Variants in ELMO2 observed in about 807,000 individuals in gnomAD.
ELMO2 encodes the protein engulfment and cell motility protein 2.
Under a neutral mutation model 96.2 loss-of-function variants are expected in ELMO2, and 37 were observed. That is an observed-to-expected ratio of 0.38 (90% CI 0.30 to 0.51). The LOEUF (loss-of-function observed/expected upper bound fraction) is 0.51. ELMO2 is among the 20% of genes least tolerant of loss of function. The pLI, the probability that ELMO2 is intolerant of heterozygous loss-of-function variation, is 0.88. For synonymous variants in ELMO2, 315 were observed against 329.4 expected, an observed-to-expected ratio of 0.96 and a Z score of 0.47; for missense variants, 561 against 912.6, an observed-to-expected ratio of 0.61 and a Z score of 4.96.
At chr20:46,374,736 A>G (rs1160919140) in intron 13 of ELMO2, 96 bp from the exon 14 acceptor site, 5 of 952,122 alleles carry the variant, frequency 5.3e-6, no homozygotes, top group Non-Finnish European at 8.1e-6. Context: ...TGATGCTGCT[A>G]CCACTCAGCA....
chr20:46,385,988 G>A, intron 9 of ELMO2, 136 bp downstream of exon 9: 1 of 939,196 alleles, frequency 1.1e-6, no homozygotes, highest in South Asian at 1.8e-5. Context: ...GCAGGAGTGT[G>A]GAAGAGGTGA....
At chr20:46,374,723 T>C (rs761794488) in intron 13 of ELMO2, 83 bp from the exon 14 acceptor site, 103 of 1,198,026 alleles carry the variant, frequency 8.6e-5, no homozygotes, top group Non-Finnish European at 1.2e-4. Context: ...TCGCCTCTCC[T>C]CTTGATGCTG....
Position 46,389,188 on chromosome 20 carries a change from G to T in ELMO2, c.276C>A (p.Thr92=), listed in dbSNP as rs750535252. Residue 92 remains threonine (T), a synonymous_variant, in exon 7 of 22, where the codon ACC becomes ACA. Transcript: ENST00000290246. Reference sequence around the variant, plus strand: ...GCCGGGTCTCCATGTTGGATGACTGGGTCCTCTCCATCAGCTGGCGTGCAG... The same window carrying T: ...GCCGGGTCTCCATGTTGGATGACTGTGTCCTCTCCATCAGCTGGCGTGCAG... ...SRAARQLMER[T]QSSNMETRLD... is the part of the protein sequence containing the mutation. 2 of 1,614,026 alleles carry T rather than the reference G, an allele frequency of 1.2e-6. No individual in the cohort carries two copies. Among genetic ancestry groups the T allele is most frequent in the East Asian group, 2.2e-5 (1 of 44,882 alleles).
intron 1 of ELMO2, among the ~76,000 whole-genome samples, chr20:46,403,826 G>A (rs1260229232): frequency 6.6e-6 from 1 of 152,196 alleles, no homozygotes; most frequent in East Asian, 1.9e-4. Context: ...GCTCACGCCT[G>A]TAATCTCAGA....
intron 16 of ELMO2, among the ~76,000 whole-genome samples, chr20:46,372,678 C>A (rs1230467338): frequency 6.6e-6 from 1 of 152,148 alleles, no homozygotes. Context: ...TTCTGGCACG[C>A]TGTGGTGTTT....
chr20:46,388,554 A>G (rs1200705927), intron 7 of ELMO2, among the ~76,000 whole-genome samples: 1 of 151,914 alleles, frequency 6.6e-6, no homozygotes, highest in Non-Finnish European at 1.5e-5. Flanking sequence ...GAGATGGTGA[A>G]TGGGTAGGTT....
At chr20:46,404,418 C>T (rs1461797141) in intron 1 of ELMO2, among the ~76,000 whole-genome samples, 1 of 152,104 alleles carries the variant, frequency 6.6e-6, no homozygotes, top group Non-Finnish European at 1.5e-5. Flanking sequence ...TTTGCACCTC[C>T]TAGAGTCCAC....
chr20:46,387,149 GC>G (rs765312668), intron 8 of ELMO2, among the ~76,000 whole-genome samples, 188 bp downstream of exon 8: 14 of 152,058 alleles, frequency 9.2e-5, no homozygotes, highest in Non-Finnish European at 1.8e-4. Flanking sequence ...CTCAGTGCAG[GC>G]CCTGAGAATA....
At chr20:46,383,720 G>A (rs940110431) in intron 9 of ELMO2, among the ~76,000 whole-genome samples, 10 of 152,142 alleles carry the variant, frequency 6.6e-5, no homozygotes, top group East Asian at 3.8e-4. Flanking sequence ...CTGACAAGGC[G>A]TTTCATTAAA....
At chr20:46,368,865 G>C (rs773924721) in intron 21 of ELMO2, 26 bp downstream of exon 21, 1 of 1,613,058 alleles carries the variant, frequency 6.2e-7, no homozygotes, top group Non-Finnish European at 8.5e-7. Flanking sequence ...TAGCTCTGTT[G>C]TCTAAGGCAG....
At chr20:46,390,560 C>A (rs1014048340) in intron 6 of ELMO2, among the ~76,000 whole-genome samples, 5 of 152,242 alleles carry the variant, frequency 3.3e-5, no homozygotes, top group African/African-American at 1.2e-4. Flanking sequence ...TCCTTTTCTG[C>A]AAGCTGCGGC....
chr20:46,397,851 T>G (rs1051477657), intron 2 of ELMO2, among the ~76,000 whole-genome samples: 1 of 152,078 alleles, frequency 6.6e-6, no homozygotes, highest in Non-Finnish European at 1.5e-5. Context: ...TCAGAGGAAG[T>G]GATTCTGCAG....
At chr20:46,376,683 C>T (rs1291640515) in intron 11 of ELMO2, 1 of 1,289,376 alleles carries the variant, frequency 7.8e-7, no homozygotes, top group Non-Finnish European at 1.0e-6. Context: ...TTGTATTTGT[C>T]ACTCCCTCTG....
chr20:46,402,822 C>T (rs147273570), intron 1 of ELMO2, among the ~76,000 whole-genome samples: 4 of 152,364 alleles, frequency 2.6e-5, no homozygotes, highest in African/African-American at 7.2e-5. Context: ...CACAGCTTTG[C>T]CACAAACACA....
chr20:46,367,311 C>T lies in ELMO2; in HGVS notation c.*49G>A, dbSNP rs1227422127. ...AGGCACCAGAATGTAAGTGTTTCTC[C>T]TGGGCCCAAAATCCCTTCTCCTGGG... On this transcript the variant is annotated 3_prime_UTR_variant, in exon 22 of 22. Transcript: ENST00000290246. 4.0e-5 allele frequency: 57 copies of T among 1,416,310 alleles called. No homozygotes were observed. The highest frequency in any genetic ancestry group is 5.3e-5 in the Non-Finnish European group (57 of 1,076,426). The allele number at this position is 1,416,310 out of a possible 1,614,324, so 87.7% of individuals were successfully genotyped here.
At chr20:46,394,622 T>C in intron 2 of ELMO2, 90 bp from the exon 3 acceptor site, 1 of 935,894 alleles carries the variant, frequency 1.1e-6, no homozygotes, top group Non-Finnish European at 1.6e-6. Context: ...AGACAGACAC[T>C]GCATAAAGTA....
intron 10 of ELMO2, 62 bp from the exon 11 acceptor site, chr20:46,380,365 G>C (rs983267604): frequency 9.7e-6 from 13 of 1,346,892 alleles, no homozygotes; most frequent in Admixed American, 2.0e-5. Context: ...GACTACTATC[G>C]AGAGGAAGGT....
chr20:46,406,220 AC>A (rs1306406545), intron 1 of ELMO2, among the ~76,000 whole-genome samples: 8 of 134,988 alleles, frequency 5.9e-5, no homozygotes, highest in African/African-American at 2.2e-4. Flanking sequence ...CGATCTTCCC[AC>A]CCAACGCCTC....
At chr20:46,393,736 G>T in intron 4 of ELMO2, 135 bp from the exon 5 acceptor site, 1 of 1,023,470 alleles carries the variant, frequency 9.8e-7, no homozygotes, top group Non-Finnish European at 1.5e-6. Flanking sequence ...GCTTTAGGTT[G>T]TCATGTTGAA....
Sources: allele counts gnomAD v4.1 joint callset (sites outside exome capture counted in the v4.1 genomes callset), GRCh38; gene constraint gnomAD v4.1.1; transcripts MANE v1.5; gene names NCBI Gene and HGNC (gene_info 2026-07-23, HGNC 2026-07-21).